Variants in MAP4K3 observed in about 807,000 individuals in gnomAD.
MAP4K3 encodes the protein mitogen-activated protein kinase kinase kinase kinase 3, also known as MAPK/ERK kinase kinase kinase 3.
MAP4K3 carries 94 observed loss-of-function variants against 143.5 expected under a neutral mutation model. The observed-to-expected ratio is 0.65, with a 90% CI of 0.55 to 0.78. MAP4K3 has a LOEUF of 0.78. MAP4K3 is among the 30% of genes least tolerant of loss of function. The probability of loss-of-function intolerance (pLI) is 0.00; values close to 1 mark genes in which losing one functional copy is unlikely to be tolerated. For synonymous variants in MAP4K3, 416 were observed against 347.2 expected, an observed-to-expected ratio of 1.20 and a Z score of -2.20; for missense variants, 1,077 against 1,068.1, an observed-to-expected ratio of 1.01 and a Z score of -0.12.
At chr2:39,421,201 C>T (rs1667536432) in intron 1 of MAP4K3, among the ~76,000 whole-genome samples, 1 of 152,118 alleles carries the variant, frequency 6.6e-6, no homozygotes, top group Non-Finnish European at 1.5e-5. Context: ...TTATTTCTAT[C>T]ACATTTAATT....
intron 15 of MAP4K3, among the ~76,000 whole-genome samples, chr2:39,304,135 T>C (rs1034159181): frequency 1.5e-5 from 2 of 136,274 alleles, no homozygotes; most frequent in African/African-American, 2.5e-5. Flanking sequence ...TGGCTTCATA[T>C]ATTAATTATC....
chr2:39,281,428 C>G (rs1296531459), intron 22 of MAP4K3, among the ~76,000 whole-genome samples: 1 of 152,162 alleles, frequency 6.6e-6, no homozygotes, highest in Non-Finnish European at 1.5e-5. Context: ...CAAGTAGTAG[C>G]AGACCAATAG....
intron 1 of MAP4K3, among the ~76,000 whole-genome samples, chr2:39,387,401 A>G (rs1455147811): frequency 2.6e-5 from 4 of 152,204 alleles, no homozygotes; most frequent in East Asian, 3.8e-4. Flanking sequence ...TTAGATATTG[A>G]TATCTTTCAT....
At chr2:39,250,828 A>G in intron 33 of MAP4K3, 123 bp from the exon 34 acceptor site, 3 of 738,926 alleles carry the variant, frequency 4.1e-6, no homozygotes, top group Non-Finnish European at 6.8e-6. Context: ...GATCGTGGGC[A>G]GAAATCATTT....
intron 1 of MAP4K3, among the ~76,000 whole-genome samples, chr2:39,414,151 G>A (rs113520085): frequency 2.4e-4 from 37 of 152,178 alleles, no homozygotes; most frequent in African/African-American, 8.9e-4. Flanking sequence ...TATAGAAATA[G>A]CCAAATCTAG....
intron 21 of MAP4K3, 120 bp downstream of exon 21, chr2:39,286,732 A>G: frequency 2.3e-6 from 1 of 435,918 alleles, no homozygotes; most frequent in Admixed American, 4.2e-5. Context: ...ATACTAAAAT[A>G]TCAATATAGT....
intron 31 of MAP4K3, among the ~76,000 whole-genome samples, chr2:39,257,498 T>C (rs1680389226): frequency 1.3e-5 from 2 of 152,124 alleles, no homozygotes; most frequent in South Asian, 4.2e-4. Context: ...AACTATGTTA[T>C]AAGAAATGAT....
At chr2:39,336,795 C>T (rs1489772881) in intron 6 of MAP4K3, 125 bp downstream of exon 6, 28 of 427,282 alleles carry the variant, frequency 6.6e-5, no homozygotes, top group Non-Finnish European at 3.0e-5. Context: ...TTAAAAGTAT[C>T]ACTCATTTTT....
At chr2:39,359,773 AG>A (rs1665714406) in intron 2 of MAP4K3, among the ~76,000 whole-genome samples, 1 of 152,230 alleles carries the variant, frequency 6.6e-6, no homozygotes, top group Non-Finnish European at 1.5e-5. Flanking sequence ...GCACCCTCTG[AG>A]GCAATGGCCT....
In MAP4K3 at chr2:39,326,184, T is replaced by C; in HGVS notation, c.624A>G (p.Ala208=). 2 of 1,614,024 alleles carry C rather than the reference T, an allele frequency of 1.2e-6. No homozygotes were observed. The highest frequency in any genetic ancestry group is 1.7e-6 in the Non-Finnish European group (2 of 1,179,934). ...AGTCAAACATAGGAGGCTGAAGCTC[T>C]GCAAGTTCTATGGCAGTGATTCCCA... ...WAVGITAIEL[A]ELQPPMFDLH... The change falls in exon 9 of 34, where the codon GCA becomes GCG. Residue 208 remains alanine (A), a synonymous_variant. Coordinates refer to ENST00000263881, the MANE Select transcript of MAP4K3 (RefSeq NM_003618.4).
At chr2:39,341,236 CCCA>C (rs1665130815) in intron 4 of MAP4K3, among the ~76,000 whole-genome samples, 1 of 152,114 alleles carries the variant, frequency 6.6e-6, no homozygotes, top group Non-Finnish European at 1.5e-5. Flanking sequence ...AAGACAATGG[CCCA>C]CCTTCTTCAA....
intron 1 of MAP4K3, among the ~76,000 whole-genome samples, chr2:39,408,363 A>G (rs1667150532): frequency 6.6e-6 from 1 of 152,114 alleles, no homozygotes; most frequent in Admixed American, 6.5e-5. Flanking sequence ...CATCTAGATC[A>G]GGGGGTCATA....
chr2:39,327,415 T>G (rs1683530516), intron 8 of MAP4K3, among the ~76,000 whole-genome samples: 1 of 152,212 alleles, frequency 6.6e-6, no homozygotes, highest in Non-Finnish European at 1.5e-5. Context: ...TGCTACAGTC[T>G]TATTCTAATT....
At chr2:39,406,787 G>A (rs1667103828) in intron 1 of MAP4K3, among the ~76,000 whole-genome samples, 1 of 152,082 alleles carries the variant, frequency 6.6e-6, no homozygotes, top group Non-Finnish European at 1.5e-5. Context: ...TCATCTGAAG[G>A]TATAAAACTC....
Position 39,340,728 on chromosome 2 carries a change from G to C in MAP4K3, c.310+2660C>G, listed in dbSNP as rs576460356. 2.0e-5 allele frequency among the ~76,000 whole-genome samples: 3 copies of C among 152,172 alleles called. No homozygotes were observed. In the East Asian group the frequency reaches 5.8e-4, roughly 29 times the overall value. ...AGATGTAAAAGAAGGAATGAAAACT[G>C]TAAGAATAAGACACAAAGGAAAAAA... On this transcript the variant is annotated intron_variant, in intron 4 of 33. Coordinates refer to ENST00000263881, the MANE Select transcript of MAP4K3 (RefSeq NM_003618.4).
intron 1 of MAP4K3, among the ~76,000 whole-genome samples, chr2:39,412,276 TCAC>T (rs1230678045): frequency 2.0e-5 from 3 of 152,184 alleles, no homozygotes; most frequent in Non-Finnish European, 4.4e-5. Flanking sequence ...CTAGCTGCAG[TCAC>T]CACCATCTCC....
At chr2:39,295,847 T>G (rs1558629682) in intron 16 of MAP4K3, among the ~76,000 whole-genome samples, 1 of 151,204 alleles carries the variant, frequency 6.6e-6, no homozygotes, top group African/African-American at 2.4e-5. Context: ...GCCTCCCGAG[T>G]AGCTAGGATT....
chr2:39,329,395 C>A (rs1034958221), intron 8 of MAP4K3, among the ~76,000 whole-genome samples: 6 of 152,114 alleles, frequency 3.9e-5, no homozygotes, highest in Admixed American at 3.3e-4. Context: ...CCATAACACA[C>A]AGACTAAAAA....
chr2:39,428,214 C>A (rs1347343929), intron 1 of MAP4K3, among the ~76,000 whole-genome samples: 1 of 152,158 alleles, frequency 6.6e-6, no homozygotes, highest in African/African-American at 2.4e-5. Context: ...TAAGAATTTT[C>A]TTTAGGATCT....
Sources: allele counts gnomAD v4.1 joint callset (sites outside exome capture counted in the v4.1 genomes callset), GRCh38; gene constraint gnomAD v4.1.1; transcripts MANE v1.5; gene names NCBI Gene and HGNC (gene_info 2026-07-23, HGNC 2026-07-21).